The following NRG4 variants were observed in gnomAD, a reference collection of about 807,000 sequenced individuals.
NRG4 encodes neuregulin 4.
NRG4 carries 10 observed loss-of-function variants against 15.0 expected under a neutral mutation model. The observed-to-expected ratio is 0.67, with a 90% CI of 0.41 to 1.13. The LOEUF (loss-of-function observed/expected upper bound fraction) is 1.13, where lower values mean the gene tolerates loss of function less well. NRG4 is among the 50% of genes most tolerant of loss of function. The probability of loss-of-function intolerance (pLI) is 0.00; values close to 1 mark genes in which losing one functional copy is unlikely to be tolerated. For missense variants in NRG4, 139 were observed against 140.2 expected (o/e 0.99, Z 0.04); for synonymous variants, 41 against 50.1 (o/e 0.82, Z 0.77).
At chr15:75,985,627 T>C (rs2033772850) in intron 3 of NRG4, among the ~76,000 whole-genome samples, 1 of 152,182 alleles carries the variant, frequency 6.6e-6, no homozygotes, top group Non-Finnish European at 1.5e-5. Context: ...TAGAGAACTG[T>C]ATGCCAACTA....
chr15:75,958,969 A>G, intron 4 of NRG4: 1 of 184,018 alleles, frequency 5.4e-6, no homozygotes, highest in Non-Finnish European at 1.2e-5. Context: ...TTAAAGTTCC[A>G]TTAATTTGTT....
At chr15:75,981,568 G>C (rs1293450154) in intron 3 of NRG4, among the ~76,000 whole-genome samples, 2 of 152,090 alleles carry the variant, frequency 1.3e-5, no homozygotes, top group Non-Finnish European at 2.9e-5. Context: ...GGCCTAAGGG[G>C]CAGTAAGGAA....
intron 3 of NRG4, among the ~76,000 whole-genome samples, chr15:75,982,296 C>A (rs1319428657): frequency 2.0e-5 from 3 of 152,006 alleles, no homozygotes; most frequent in African/African-American, 7.2e-5. Flanking sequence ...AGTAAGTGGG[C>A]CATACTCCAG....
intron 5 of NRG4, among the ~76,000 whole-genome samples, chr15:76,025,822 A>G (rs376378202): frequency 6.6e-6 from 1 of 152,150 alleles, no homozygotes; most frequent in South Asian, 2.1e-4. Flanking sequence ...GGTTGCAGTA[A>G]GCCAAAATCG....
downstream of NRG4, chr15:75,936,013 T>A (rs984342257): frequency 5.3e-5 from 8 of 152,182 alleles, no homozygotes; most frequent in African/African-American, 1.9e-4. Flanking sequence ...GGTCTCGATC[T>A]CCTGACCTTG....
intron 5 of NRG4, among the ~76,000 whole-genome samples, chr15:76,020,950 T>C (rs759877573): frequency 2.6e-5 from 4 of 152,248 alleles, no homozygotes; most frequent in Non-Finnish European, 5.9e-5. Flanking sequence ...TCATTGAAGA[T>C]GGTTACACTA....
At chr15:76,040,849 C>T (rs1336805776) in intron 4 of NRG4, among the ~76,000 whole-genome samples, 4 of 152,142 alleles carry the variant, frequency 2.6e-5, no homozygotes, top group Non-Finnish European at 5.9e-5. Context: ...CGTTTGAACC[C>T]AGGAGGCAGA....
At chr15:76,014,742 T>C (rs1338660684), upstream of NRG4, among the ~76,000 whole-genome samples, 4 of 152,226 alleles carry the variant, frequency 2.6e-5, no homozygotes, top group Non-Finnish European at 5.9e-5. Context: ...TTTTGGTTAC[T>C]GTAGTCTTGT....
chr15:75,972,401 T>C (rs1426765570), intron 3 of NRG4, among the ~76,000 whole-genome samples: 3 of 152,244 alleles, frequency 2.0e-5, no homozygotes, highest in Non-Finnish European at 2.9e-5. Flanking sequence ...ATTTTGGCTT[T>C]TGTTGCCATT....
chr15:75,951,448 C>T (rs962949249), intron 5 of NRG4, among the ~76,000 whole-genome samples: 7 of 152,100 alleles, frequency 4.6e-5, no homozygotes, highest in Non-Finnish European at 1.0e-4. Flanking sequence ...GATTACAAGG[C>T]ATGAGCCACA....
At chr15:75,937,096 C>G (rs562538298), downstream of NRG4, 1 of 152,070 alleles carries the variant, frequency 6.6e-6, no homozygotes, top group East Asian at 1.9e-4. Context: ...TAAACATACT[C>G]TATTCAAGGT....
chr15:75,994,092 ATGT>A (rs2034125211), intron 3 of NRG4, among the ~76,000 whole-genome samples: 1 of 152,210 alleles, frequency 6.6e-6, no homozygotes, highest in South Asian at 2.1e-4. Flanking sequence ...TACGAGTGAC[ATGT>A]TGTAGATTCT....
intron 5 of NRG4, among the ~76,000 whole-genome samples, chr15:75,944,501 C>T (rs2031335870): frequency 6.6e-6 from 1 of 152,178 alleles, no homozygotes; most frequent in African/African-American, 2.4e-5. Flanking sequence ...GGGAGGCTTA[C>T]ATTCCAGAAG....
At chr15:75,946,588 T>C (rs1231909641) in intron 5 of NRG4, among the ~76,000 whole-genome samples, 3 of 152,146 alleles carry the variant, frequency 2.0e-5, no homozygotes, top group Non-Finnish European at 2.9e-5. Flanking sequence ...CTCGATCTCC[T>C]GACCTCGTGA....
intron 4 of NRG4, among the ~76,000 whole-genome samples, chr15:76,050,483 C>A (rs993754048): frequency 7.4e-6 from 1 of 134,592 alleles, no homozygotes; most frequent in African/African-American, 2.9e-5. Context: ...ACTCTATTGC[C>A]CTGGCTGGAG....
At chr15:76,057,528 G>T (rs1057199214) in intron 1 of NRG4, among the ~76,000 whole-genome samples, 13 of 152,198 alleles carry the variant, frequency 8.5e-5, no homozygotes, top group Non-Finnish European at 1.5e-5. Context: ...GAAGAATGCA[G>T]AATGGCATCT....
chr15:75,960,983 T>C (rs1567077418), intron 4 of NRG4, among the ~76,000 whole-genome samples: 3 of 152,210 alleles, frequency 2.0e-5, no homozygotes, highest in African/African-American at 7.2e-5. Flanking sequence ...TGATGTAAAG[T>C]AGTTAAGAAA....
At chr15:75,975,479 G>C (rs1262826122) in intron 3 of NRG4, among the ~76,000 whole-genome samples, 2 of 152,186 alleles carry the variant, frequency 1.3e-5, no homozygotes, top group Non-Finnish European at 2.9e-5. Context: ...TTTTGCAGTG[G>C]CTGGTACTGG....
intron 5 of NRG4, among the ~76,000 whole-genome samples, chr15:76,022,970 C>T (rs1277979265): frequency 6.6e-6 from 1 of 151,938 alleles, no homozygotes. Context: ...GAGGTACACC[C>T]ACAGTATAGC....
Sources: gnomAD v4.1 joint callset for allele counts (sites outside exome capture counted in the v4.1 genomes callset) on GRCh38, gnomAD v4.1.1 for gene constraint, MANE v1.5 for transcripts, NCBI Gene and HGNC (gene_info 2026-07-23, HGNC 2026-07-21) for gene names.